Variants in HIVEP2 observed in about 807,000 individuals in gnomAD.
HIVEP2 encodes the protein transcription factor HIVEP2.
A neutral mutation model predicts 180.7 loss-of-function variants in HIVEP2; 14 were observed. That is an observed-to-expected ratio of 0.08 (90% CI 0.05 to 0.12). The LOEUF is 0.12. Ranked by LOEUF, HIVEP2 falls within the 10% of genes least tolerant of loss-of-function variation. The probability of loss-of-function intolerance (pLI) is 1.00; values close to 1 mark genes in which losing one functional copy is unlikely to be tolerated. For missense variants in HIVEP2, 2,579 were observed against 3,008.5 expected (o/e 0.86, Z 3.34); for synonymous variants, 1,184 against 1,136.4 (o/e 1.04, Z -0.84).
intron 1 of HIVEP2, among the ~76,000 whole-genome samples, chr6:142,887,959 C>CA (rs10634446): frequency 0.36 from 52,007 of 143,044 alleles, 9,508 homozygotes; most frequent in East Asian, 0.57. Context: ...GGCGATGCAG[C>CA]AAAAAAAAAA....
chr6:142,846,209 C>T lies in HIVEP2; in HGVS notation c.-640-9162G>A, dbSNP rs370645604. The stretch of plus-strand genomic sequence containing the variant: ...CGTGGTAGAGTCTGTAAATTCCAAG[C>T]ACTGGGGAGGTCTTCTCAGAGATTT... On this transcript the variant is annotated intron_variant, in intron 1 of 9. Coordinates refer to ENST00000367603, the MANE Select transcript of HIVEP2 (RefSeq NM_006734.4). 3.3e-5 allele frequency among the ~76,000 whole-genome samples: 5 copies of T among 152,026 alleles called. No homozygotes were observed. The South Asian group carries it at 1.0e-3, about 32-fold the overall frequency.
chr6:142,866,442 T>C (rs893581021), intron 1 of HIVEP2, among the ~76,000 whole-genome samples: 16 of 152,156 alleles, frequency 1.1e-4, no homozygotes, highest in Non-Finnish European at 2.2e-4. Flanking sequence ...TATTTCCCAT[T>C]AGTAGACAGT....
At chr6:142,842,511 T>C (rs1232318892) in intron 1 of HIVEP2, among the ~76,000 whole-genome samples, 2 of 151,454 alleles carry the variant, frequency 1.3e-5, no homozygotes, top group African/African-American at 4.9e-5. Flanking sequence ...GATAGGCAAA[T>C]AAGAACTGAA....
chr6:142,919,567 A>G (rs375055117), intron 1 of HIVEP2, among the ~76,000 whole-genome samples: 39 of 152,308 alleles, frequency 2.6e-4, no homozygotes, highest in African/African-American at 8.9e-4. Flanking sequence ...CACATGTCAC[A>G]ATGCAGTTTA....
intron 9 of HIVEP2, among the ~76,000 whole-genome samples, chr6:142,757,716 C>A: frequency 6.6e-6 from 1 of 152,086 alleles, no homozygotes; most frequent in South Asian, 2.1e-4. Context: ...AACAAAAACA[C>A]ATCAAAAAAA....
At chr6:142,869,084 G>C (rs192631474) in intron 1 of HIVEP2, among the ~76,000 whole-genome samples, 11 of 152,260 alleles carry the variant, frequency 7.2e-5, no homozygotes, top group Admixed American at 2.0e-4. Flanking sequence ...TGTCACAACT[G>C]GGGAGAAGGA....
At chr6:142,893,622 C>T (rs1308999752) in intron 1 of HIVEP2, among the ~76,000 whole-genome samples, 3 of 152,136 alleles carry the variant, frequency 2.0e-5, no homozygotes, top group Non-Finnish European at 4.4e-5. Flanking sequence ...ACTTCAAAGC[C>T]CATACTCCTT....
At chr6:142,813,889 G>A (rs1486698857) in intron 2 of HIVEP2, among the ~76,000 whole-genome samples, 1 of 151,694 alleles carries the variant, frequency 6.6e-6, no homozygotes, top group African/African-American at 2.4e-5. Context: ...AATATATTTG[G>A]CTTCTCTTTA....
At position 142,754,822 on chromosome 6, in the gene HIVEP2, C is replaced by T. The variant is rs1031536060; in HGVS notation, c.6517-891G>A. ...AATGTTCAGCCAGAATTTCAGATTT[C>T]ATAGTCCTAGTCCTGAAAATGGAGA... is the stretch of plus-strand genomic sequence containing the variant. On this transcript the variant is annotated intron_variant, in intron 9 of 9. Coordinates refer to ENST00000367603, the MANE Select transcript of HIVEP2 (RefSeq NM_006734.4). 5.9e-5 allele frequency among the ~76,000 whole-genome samples: 9 copies of T among 152,136 alleles called. 1 individual carries two copies. Among genetic ancestry groups the T allele is most frequent in the East Asian group, 3.8e-4 (2 of 5,198 alleles).
intron 1 of HIVEP2, among the ~76,000 whole-genome samples, chr6:142,940,389 T>C (rs773502351): frequency 6.6e-6 from 1 of 152,262 alleles, no homozygotes; most frequent in African/African-American, 2.4e-5. Flanking sequence ...AAACAATTGA[T>C]GTGGAAGCAC....
chr6:142,764,977 G>A lies in HIVEP2; in HGVS notation c.5343-3C>T. 6.3e-7 allele frequency: 1 copy of A among 1,594,556 alleles called. No homozygotes were observed. The highest frequency in any genetic ancestry group is 8.6e-7 in the Non-Finnish European group (1 of 1,165,598). On this transcript the variant is annotated splice_polypyrimidine_tract_variant and splice_region_variant and intron_variant, in intron 6 of 9. Coordinates refer to ENST00000367603, the MANE Select transcript of HIVEP2 (RefSeq NM_006734.4). The stretch of plus-strand genomic sequence containing the variant: ...CATAATCTTCATTCGATTTGTACCT[G>A]TTTTAAAAAGAGGGAATCCAGTGTG...
intron 1 of HIVEP2, among the ~76,000 whole-genome samples, chr6:142,899,772 A>G (rs1201716971): frequency 1.3e-5 from 2 of 152,108 alleles, no homozygotes; most frequent in Admixed American, 1.3e-4. Context: ...CTCATCAATA[A>G]TCTTCTCCTA....
rs372781417 is a variant in HIVEP2, at chr6:142,777,734, T to C, written c.-432-1543A>G. Among the ~76,000 whole-genome samples the C allele has an allele frequency of 3.3e-5, 5 of 150,922 alleles. No homozygotes were observed. The South Asian group carries it at 8.4e-4, about 25-fold the overall frequency. ...GAAGAGGAAAGAAAGGATTTTTACC[T>C]TCCATCTCATGACTTTCAGTAAGTT... On this transcript the variant is annotated intron_variant, in intron 3 of 9. Transcript: ENST00000367603.
chr6:142,792,879 T>C (rs960292685), intron 2 of HIVEP2, among the ~76,000 whole-genome samples: 3 of 151,854 alleles, frequency 2.0e-5, no homozygotes, highest in Admixed American at 1.3e-4. Context: ...AAGGAAGATA[T>C]AATGAAGCAA....
At chr6:142,759,435 T>C (rs895419295) in intron 9 of HIVEP2, among the ~76,000 whole-genome samples, 9 of 152,228 alleles carry the variant, frequency 5.9e-5, no homozygotes, top group Non-Finnish European at 1.2e-4. Context: ...TGTATGTCCA[T>C]GCAGTCATGG....
chr6:142,889,981 A>T (rs1776813494), intron 1 of HIVEP2, among the ~76,000 whole-genome samples: 1 of 152,200 alleles, frequency 6.6e-6, no homozygotes, highest in South Asian at 2.1e-4. Flanking sequence ...GACAGCACAG[A>T]CCAAATTAGC....
In HIVEP2 at chr6:142,770,054, C is replaced by T. The variant is rs1193460591; in HGVS notation, c.4685G>A (p.Ser1562Asn). The T allele has an allele frequency of 1.2e-6, 2 of 1,614,086 alleles. No individual in the cohort carries two copies. Among genetic ancestry groups the T allele is most frequent in the African/African-American group, 1.3e-5 (1 of 74,936 alleles). ...PGQKSSGPSE[S>N]KESSDELDID... ...ATCTAATTCATCTGAAGATTCTTTG[C>T]TTTCAGAAGGCCCACTGGACTTCTG... Residue 1562 changes from serine (S) to asparagine (N), a missense_variant, in exon 5 of 10, where the codon AGC becomes AAC. Ser to Asn is a conservative substitution (Grantham distance 46, BLOSUM62 1). Transcript: ENST00000367603. The surrounding 1 kb of genome is among the most constrained non-coding windows in gnomAD (Gnocchi z 4.7).
chr6:142,926,109 G>T (rs1442937947), intron 1 of HIVEP2, among the ~76,000 whole-genome samples: 1 of 152,204 alleles, frequency 6.6e-6, no homozygotes, highest in Non-Finnish European at 1.5e-5. Context: ...TAGTTCTAAA[G>T]ATGATTCATG....
rs1176696558 is a variant in HIVEP2 at position 142,774,675 on chromosome 6, C to A, written c.64G>T (p.Ala22Ser). 6.2e-7 allele frequency: 1 copy of A among 1,614,040 alleles called. No homozygotes were observed. Among genetic ancestry groups the A allele is most frequent in the East Asian group, 2.2e-5 (1 of 44,896 alleles). Residue 22 changes from alanine to serine, a missense_variant, in exon 5 of 10, where the codon GCA (alanine) becomes TCA (serine). Transcript: ENST00000367603. The surrounding 1 kb of genome is among the most constrained non-coding windows in gnomAD (Gnocchi z 5.1). ...ATSRSGETDK[A>S]SGRWRQEQSA... The stretch of plus-strand genomic sequence containing the variant: ...TGTTCCTGTCTCCATCTACCTGATG[C>A]TTTATCAGTTTCTCCAGACCTTGAG...
Sources: allele counts gnomAD v4.1 joint callset (sites outside exome capture counted in the v4.1 genomes callset), GRCh38; gene constraint gnomAD v4.1.1; non-coding constraint Gnocchi (gnomAD v3.1); transcripts MANE v1.5; gene names NCBI Gene and HGNC (gene_info 2026-07-23, HGNC 2026-07-21).